The following HS3ST4 variants were observed in gnomAD, a reference collection of about 807,000 sequenced individuals.
HS3ST4 encodes heparan sulfate-glucosamine 3-sulfotransferase 4, also known as heparan sulfate glucosamine 3-O-sulfotransferase 4.
HS3ST4 carries 17 observed loss-of-function variants against 29.2 expected under a neutral mutation model. That is an observed-to-expected ratio of 0.58 (90% CI 0.40 to 0.87). HS3ST4 has a LOEUF of 0.87. Ranked by LOEUF, HS3ST4 falls within the 40% of genes least tolerant of loss-of-function variation. The pLI, the probability that HS3ST4 is intolerant of heterozygous loss-of-function variation, is 0.00. For missense variants in HS3ST4, 627 were observed against 634.5 expected (o/e 0.99, Z 0.13); for synonymous variants, 314 against 285.7 (o/e 1.10, Z -1.00).
intron 1 of HS3ST4, among the ~76,000 whole-genome samples, chr16:25,863,456 C>T (rs1967659307): frequency 6.6e-6 from 1 of 152,090 alleles, no homozygotes; most frequent in East Asian, 1.9e-4. Context: ...ATAAATAGAA[C>T]AATTTAAGTG....
rs578147215 is a variant in HS3ST4 at position 25,903,037 on chromosome 16, G to A, written c.734+209886G>A. ...CTCTGCCTCAAAAAAAAAAAAAAAT[G>A]TATGGTGTTAAGCTTGATAATGAAG... On this transcript the variant is annotated intron_variant, in intron 1 of 1. Transcript: ENST00000331351. Among the ~76,000 whole-genome samples, 36 of 145,524 alleles carry A rather than the reference G, an allele frequency of 2.5e-4. No individual in the cohort carries two copies. The South Asian group carries it at 3.2e-3, about 13-fold the overall frequency.
chr16:25,761,718 C>T (rs1966789712), intron 1 of HS3ST4, among the ~76,000 whole-genome samples: 1 of 152,192 alleles, frequency 6.6e-6, no homozygotes, highest in African/African-American at 2.4e-5. Flanking sequence ...CTGAGTGCCT[C>T]ATCTATGTCT....
At chr16:26,129,984 T>C (rs562632776) in intron 1 of HS3ST4, among the ~76,000 whole-genome samples, 6 of 152,160 alleles carry the variant, frequency 3.9e-5, no homozygotes, top group Non-Finnish European at 7.3e-5. Flanking sequence ...CAGTGAGCCA[T>C]CATCGCACCA....
intron 1 of HS3ST4, among the ~76,000 whole-genome samples, chr16:25,948,186 G>A (rs535661997): frequency 4.7e-4 from 72 of 152,198 alleles, no homozygotes; most frequent in African/African-American, 1.7e-3. Context: ...GCTTGAGACG[G>A]TGCAACAGCT....
chr16:26,058,285 C>T (rs931530145), intron 1 of HS3ST4, among the ~76,000 whole-genome samples: 1 of 152,204 alleles, frequency 6.6e-6, no homozygotes, highest in Non-Finnish European at 1.5e-5. Context: ...CAGCTCAGAA[C>T]AACCCCTGGG....
chr16:25,854,476 CAT>C (rs1567255982), intron 1 of HS3ST4, among the ~76,000 whole-genome samples: 108,989 of 151,742 alleles, frequency 0.72, 40,443 homozygotes, highest in African/African-American at 0.91. Context: ...TCTGTATTGC[CAT>C]CTGTTTTATC....
chr16:25,958,382 A>G (rs555015179), intron 1 of HS3ST4, among the ~76,000 whole-genome samples: 1 of 152,232 alleles, frequency 6.6e-6, no homozygotes, highest in South Asian at 2.1e-4. Flanking sequence ...CCCAGGCTGG[A>G]GTGCAGTGGT....
chr16:25,775,217 AG>A (rs1480196067), intron 1 of HS3ST4, among the ~76,000 whole-genome samples: 5 of 152,194 alleles, frequency 3.3e-5, no homozygotes, highest in Non-Finnish European at 7.3e-5. Flanking sequence ...TCTGGCTTAC[AG>A]GACATCAATA....
intron 1 of HS3ST4, among the ~76,000 whole-genome samples, chr16:25,776,737 AAG>A (rs1308518636): frequency 6.6e-6 from 1 of 152,180 alleles, no homozygotes; most frequent in Non-Finnish European, 1.5e-5. Context: ...CTTTTATCTG[AAG>A]CTCAAACCCT....
At chr16:26,006,250 G>C (rs541611315) in intron 1 of HS3ST4, among the ~76,000 whole-genome samples, 3 of 123,692 alleles carry the variant, frequency 2.4e-5, no homozygotes, top group Non-Finnish European at 4.8e-5. Flanking sequence ...AGTGAGGCAG[G>C]ATTGCACCAT....
At chr16:26,036,891 G>T (rs1428942782) in intron 1 of HS3ST4, among the ~76,000 whole-genome samples, 4 of 152,196 alleles carry the variant, frequency 2.6e-5, no homozygotes, top group Admixed American at 6.5e-5. Flanking sequence ...AAGAGGTGCT[G>T]AGAAAGAACT....
intron 1 of HS3ST4, among the ~76,000 whole-genome samples, chr16:25,922,664 T>C (rs985821015): frequency 6.6e-6 from 1 of 152,240 alleles, no homozygotes; most frequent in African/African-American, 2.4e-5. Flanking sequence ...ATCGTTGCCC[T>C]TGCAGAGATA....
chr16:26,050,525 T>C (rs1486559358), intron 1 of HS3ST4, among the ~76,000 whole-genome samples: 2 of 152,140 alleles, frequency 1.3e-5, no homozygotes, highest in African/African-American at 4.8e-5. Context: ...AAATAGTCAT[T>C]GAGCACATTT....
At chr16:25,846,791 AC>A (rs1164085122) in intron 1 of HS3ST4, among the ~76,000 whole-genome samples, 1 of 152,098 alleles carries the variant, frequency 6.6e-6, no homozygotes, top group African/African-American at 2.4e-5. Context: ...GTGGGAAAAT[AC>A]TTCTCATTCC....
chr16:25,975,673 A>G (rs907547245), intron 1 of HS3ST4, among the ~76,000 whole-genome samples: 14 of 152,144 alleles, frequency 9.2e-5, no homozygotes, highest in Non-Finnish European at 2.1e-4. Flanking sequence ...TTCATTGGTC[A>G]TCTTGCCCCT....
chr16:25,946,273 T>C (rs979802446), intron 1 of HS3ST4, among the ~76,000 whole-genome samples: 1 of 152,198 alleles, frequency 6.6e-6, no homozygotes, highest in Non-Finnish European at 1.5e-5. Flanking sequence ...ATCACATAGA[T>C]TGGCCATATT....
At chr16:25,807,806 A>G (rs1270458637) in intron 1 of HS3ST4, among the ~76,000 whole-genome samples, 1 of 152,130 alleles carries the variant, frequency 6.6e-6, no homozygotes, top group Admixed American at 6.5e-5. Flanking sequence ...TCTTGCCAGT[A>G]TTGGAGTTGT....
intron 1 of HS3ST4, among the ~76,000 whole-genome samples, chr16:25,788,305 C>T (rs954416936): frequency 4.0e-5 from 6 of 151,762 alleles, no homozygotes; most frequent in African/African-American, 1.5e-4. Context: ...ATCCCAGCTA[C>T]TCTGGAGGCT....
chr16:25,702,856 A>C (rs35854264), intron 1 of HS3ST4, among the ~76,000 whole-genome samples: 1 of 151,744 alleles, frequency 6.6e-6, no homozygotes, highest in African/African-American at 2.4e-5. Context: ...GAGTTGAGCT[A>C]GCGGCTCAAC....
Sources: gnomAD v4.1 joint callset for allele counts (sites outside exome capture counted in the v4.1 genomes callset) on GRCh38, gnomAD v4.1.1 for gene constraint, MANE v1.5 for transcripts, NCBI Gene and HGNC (gene_info 2026-07-23, HGNC 2026-07-21) for gene names.